SORCS1: variants seen among roughly 807,000 people sequenced by gnomAD.
The protein encoded by SORCS1 is sortilin related VPS10 domain containing receptor 1, also known as VPS10 domain-containing receptor SorCS1.
Under a neutral mutation model 146.1 loss-of-function variants are expected in SORCS1, and 60 were observed. The observed-to-expected ratio is 0.41, with a 90% CI of 0.33 to 0.51. SORCS1 has a LOEUF of 0.51. Ranked by LOEUF, SORCS1 falls within the 20% of genes least tolerant of loss-of-function variation. SORCS1 has a pLI of 0.21. For synonymous variants in SORCS1, 637 were observed against 584.0 expected (o/e 1.09, Z -1.31); for missense variants, 1,352 against 1,487.6 (o/e 0.91, Z 1.50).
At chr10:107,180,396 T>C in the SORCS1 span, among the ~76,000 whole-genome samples, 1 of 152,180 alleles carries the variant, frequency 6.6e-6, no homozygotes, top group Admixed American at 6.5e-5. Context: ...TGGCTGGGCT[T>C]AGGTCAAACT....
intron 25 of SORCS1, 152 bp downstream of exon 25, chr10:106,579,217 G>C: frequency 1.9e-6 from 3 of 1,614,016 alleles, no homozygotes; most frequent in Non-Finnish European, 2.5e-6. Context: ...TTCTCATTCT[G>C]CATCTGGGCA....
intron 2 of SORCS1, among the ~76,000 whole-genome samples, chr10:106,857,949 T>A (rs996280941): frequency 2.6e-5 from 4 of 152,220 alleles, no homozygotes; most frequent in African/African-American, 7.2e-5. Context: ...GAAATACGTT[T>A]GCCTGTCAGC....
intron 1 of SORCS1, among the ~76,000 whole-genome samples, chr10:107,057,127 C>A (rs530836631): frequency 6.6e-6 from 1 of 152,196 alleles, no homozygotes; most frequent in East Asian, 1.9e-4. Flanking sequence ...AAAAACACAC[C>A]ACTAGAGGAT....
At chr10:106,858,909 T>C (rs1475826794) in intron 2 of SORCS1, among the ~76,000 whole-genome samples, 3 of 152,060 alleles carry the variant, frequency 2.0e-5, no homozygotes, top group Non-Finnish European at 4.4e-5. Context: ...CTGTGCCCAA[T>C]GTATCCAATA....
intron 16 of SORCS1, among the ~76,000 whole-genome samples, chr10:106,670,914 A>G (rs1195804835): frequency 2.6e-5 from 4 of 151,930 alleles, no homozygotes; most frequent in African/African-American, 9.7e-5. Flanking sequence ...GGCTGGTCCC[A>G]AACTCCTGAC....
chr10:106,802,337 T>C (rs1420080750), intron 3 of SORCS1, among the ~76,000 whole-genome samples: 2 of 152,024 alleles, frequency 1.3e-5, no homozygotes, highest in Non-Finnish European at 1.5e-5. Context: ...AAATTTAACT[T>C]TACACTTTTT....
At chr10:106,907,066 C>G (rs2138159704) in intron 2 of SORCS1, among the ~76,000 whole-genome samples, 1 of 152,254 alleles carries the variant, frequency 6.6e-6, no homozygotes, top group East Asian at 1.9e-4. Flanking sequence ...TGTGGGGAAA[C>G]AGGCACCCAA....
At chr10:106,819,321 CA>C (rs1947898077) in intron 3 of SORCS1, among the ~76,000 whole-genome samples, 2 of 152,148 alleles carry the variant, frequency 1.3e-5, no homozygotes, top group South Asian at 4.1e-4. Flanking sequence ...TAAGGGCACA[CA>C]ATTATTATGT....
intron 1 of SORCS1, among the ~76,000 whole-genome samples, chr10:106,996,077 T>C (rs889137842): frequency 6.6e-6 from 1 of 151,762 alleles, no homozygotes; most frequent in African/African-American, 2.4e-5. Context: ...CTGTCTCTAC[T>C]AAAAATACAA....
At chr10:107,117,999 G>A (rs1214890823) in intron 1 of SORCS1, among the ~76,000 whole-genome samples, 2 of 152,066 alleles carry the variant, frequency 1.3e-5, no homozygotes, top group Non-Finnish European at 2.9e-5. Flanking sequence ...CATGAATTTC[G>A]AGGGGCTATG....
chr10:106,688,844 T>G (rs373925095), intron 9 of SORCS1, among the ~76,000 whole-genome samples: 209 of 152,206 alleles, frequency 1.4e-3, no homozygotes, highest in African/African-American at 4.6e-3. Context: ...ACAGTAAGTA[T>G]CAGACTCAGG....
Position 106,618,339 on chromosome 10 carries a change from G to A in SORCS1, c.2797-67C>T, listed in dbSNP as rs1347476528. ...GTTACAGGTGACACAGCCACTAACT[G>A]TGAGCCAACAATAGGCTGTCTAACC... On this transcript the variant is annotated intron_variant, in intron 20 of 25. Transcript: ENST00000263054. 5 of 1,582,724 alleles carry A rather than the reference G, an allele frequency of 3.2e-6. No individual in the cohort carries two copies. The African/African-American group carries it at 4.0e-5, about 13-fold the overall frequency.
At chr10:107,133,970 AC>A (rs1444191816) in intron 1 of SORCS1, among the ~76,000 whole-genome samples, 1 of 152,208 alleles carries the variant, frequency 6.6e-6, no homozygotes, top group Non-Finnish European at 1.5e-5. Context: ...ACAGCTTCCA[AC>A]AAACTTTGCC....
chr10:106,882,398 G>C (rs1045001342), intron 2 of SORCS1, among the ~76,000 whole-genome samples: 1 of 152,166 alleles, frequency 6.6e-6, no homozygotes, highest in African/African-American at 2.4e-5. Context: ...GTCAACATTT[G>C]GCAAACTTTT....
At chr10:106,806,389 TAAAATAAAATAAA>T (rs1398442760) in intron 3 of SORCS1, among the ~76,000 whole-genome samples, 1 of 82,102 alleles carries the variant, frequency 1.2e-5, no homozygotes, top group African/African-American at 7.7e-5. Flanking sequence ...AAAATAAAAA[TAAAATAAAATAAA>T]ATAAAATAAA....
chr10:106,847,881 G>T (rs1223396929), intron 2 of SORCS1, among the ~76,000 whole-genome samples: 1 of 150,284 alleles, frequency 6.7e-6, no homozygotes, highest in Non-Finnish European at 1.5e-5. Context: ...CAGTTTCCAT[G>T]TAGTTGAGTG....
chr10:107,138,983 G>A (rs941192051), intron 1 of SORCS1, among the ~76,000 whole-genome samples: 1 of 152,146 alleles, frequency 6.6e-6, no homozygotes, highest in Admixed American at 6.5e-5. Context: ...AGTTTTGTGT[G>A]AGAAATTCCT....
intron 1 of SORCS1, among the ~76,000 whole-genome samples, chr10:107,096,102 G>C (rs570206394): frequency 6.6e-6 from 1 of 152,236 alleles, no homozygotes; most frequent in South Asian, 2.1e-4. Flanking sequence ...AAGTGGGCAC[G>C]GTTACTCATG....
intron 1 of SORCS1, among the ~76,000 whole-genome samples, chr10:107,002,298 T>C (rs1164811285): frequency 6.6e-6 from 1 of 152,254 alleles, no homozygotes; most frequent in African/African-American, 2.4e-5. Context: ...TCAATAATTC[T>C]GAATTAGTAA....
Sources: allele counts gnomAD v4.1 joint callset (sites outside exome capture counted in the v4.1 genomes callset), GRCh38; gene constraint gnomAD v4.1.1; transcripts MANE v1.5; gene names NCBI Gene and HGNC (gene_info 2026-07-23, HGNC 2026-07-21).